Variants in KCNN2 observed in about 807,000 individuals in gnomAD.
KCNN2 encodes the protein small conductance calcium-activated potassium channel protein 2.
A neutral mutation model predicts 55.5 loss-of-function variants in KCNN2; 24 were observed. The observed-to-expected ratio is 0.43, with a 90% CI of 0.31 to 0.61. KCNN2 has a LOEUF of 0.61. Among genes scored for constraint, KCNN2 ranks in the 20% least tolerant of loss-of-function variants. KCNN2 has a pLI of 0.08. For missense variants in KCNN2, 754 were observed against 853.6 expected, an observed-to-expected ratio of 0.88 and a Z score of 1.45; for synonymous variants, 431 against 336.1, an observed-to-expected ratio of 1.28 and a Z score of -3.09.
chr5:114,214,738 T>C (rs186919901), intron 1 of KCNN2, among the ~76,000 whole-genome samples: 1 of 152,260 alleles, frequency 6.6e-6, no homozygotes, highest in Admixed American at 6.5e-5. Flanking sequence ...AATCAATATT[T>C]ATAATTTGGC....
At position 114,168,623 on chromosome 5, in the gene KCNN2, A is replaced by T. The variant is rs572665946; in HGVS notation, c.-270-52857A>T. Among the ~76,000 whole-genome samples the T allele has an allele frequency of 2.6e-5, 4 of 152,148 alleles. No individual in the cohort carries two copies. In the South Asian group the frequency reaches 8.3e-4, roughly 32 times the overall value. On this transcript the variant is annotated intron_variant, in intron 1 of 10. Coordinates refer to the KCNN2 transcript ENST00000512097. ...CTTTCTATTTTATTATATGGTCAGGATATTTTACTGGCTAAGCTCTCCGTT... is the reference window on the plus strand; with the variant it reads ...CTTTCTATTTTATTATATGGTCAGGTTATTTTACTGGCTAAGCTCTCCGTT...
Position 114,446,590 on chromosome 5 carries a change from T to C in KCNN2, c.1638-16459T>C, listed in dbSNP as rs545904023. ...CTCCTGCCTCAGCCTCCCAAGCAGCTGGAATTACAGGCATGCACCTCTGTG... is the reference window on the plus strand; with the variant it reads ...CTCCTGCCTCAGCCTCCCAAGCAGCCGGAATTACAGGCATGCACCTCTGTG... On this transcript the variant is annotated intron_variant, in intron 3 of 7. Transcript: ENST00000673685. 4.0e-5 allele frequency among the ~76,000 whole-genome samples: 6 copies of C among 151,166 alleles called. No homozygotes were observed. The East Asian group carries it at 8.1e-4, about 20-fold the overall frequency.
intron 5 of KCNN2, among the ~76,000 whole-genome samples, chr5:114,478,432 C>T (rs1438072705): frequency 6.6e-6 from 1 of 151,424 alleles, no homozygotes; most frequent in Admixed American, 6.6e-5. Flanking sequence ...ATTGGGGTAC[C>T]TGAAAGAGAT....
intron 2 of KCNN2, among the ~76,000 whole-genome samples, chr5:114,309,265 C>T (rs543653512): frequency 6.6e-6 from 1 of 152,184 alleles, no homozygotes; most frequent in East Asian, 1.9e-4. Flanking sequence ...AGGTAAATAG[C>T]GATTCAAAAT....
In KCNN2 at chr5:114,394,334, T is replaced by G. The variant is rs573334628; in HGVS notation, c.1219-10104T>G. ...TCCTGCATTCATTTTTCTACTGTGC[T>G]GCTTGTCTCTTTCTTAATGTTTAAG... On this transcript the variant is annotated intron_variant, in intron 2 of 7. Transcript: ENST00000673685. 3.3e-5 allele frequency among the ~76,000 whole-genome samples: 5 copies of G among 152,344 alleles called. No individual in the cohort carries two copies. The South Asian group carries it at 1.0e-3, about 32-fold the overall frequency.
At chr5:114,294,157 T>C (rs1755957380) in intron 2 of KCNN2, among the ~76,000 whole-genome samples, 1 of 152,154 alleles carries the variant, frequency 6.6e-6, no homozygotes, top group African/African-American at 2.4e-5. Flanking sequence ...CTGGATGCAT[T>C]AATTTTTTGA....
intron 2 of KCNN2, among the ~76,000 whole-genome samples, chr5:114,311,236 A>G (rs1756386109): frequency 6.6e-6 from 1 of 152,168 alleles, no homozygotes; most frequent in African/African-American, 2.4e-5. Context: ...GTCCAGACAT[A>G]TTTCTCATAT....
At chr5:114,423,469 A>G (rs1295805797) in intron 3 of KCNN2, among the ~76,000 whole-genome samples, 1 of 152,208 alleles carries the variant, frequency 6.6e-6, no homozygotes, top group Non-Finnish European at 1.5e-5. Context: ...TCAGTAAGTT[A>G]GATTTGCCCT....
At chr5:114,104,727 C>T (rs1751444782) in intron 1 of KCNN2, among the ~76,000 whole-genome samples, 1 of 151,878 alleles carries the variant, frequency 6.6e-6, no homozygotes, top group African/African-American at 2.4e-5. Context: ...GAGAGGGCCG[C>T]CTACCTCAGA....
chr5:114,315,795 C>T (rs1477957013), intron 2 of KCNN2, among the ~76,000 whole-genome samples: 3 of 151,986 alleles, frequency 2.0e-5, no homozygotes, highest in African/African-American at 7.3e-5. Flanking sequence ...GTAATAGAAA[C>T]AGATAAAAAG....
At chr5:114,257,988 T>A (rs1755016520) in intron 2 of KCNN2, among the ~76,000 whole-genome samples, 1 of 152,178 alleles carries the variant, frequency 6.6e-6, no homozygotes, top group Non-Finnish European at 1.5e-5. Flanking sequence ...TTGCATATAT[T>A]GTTTTTATTA....
Position 114,362,547 on chromosome 5 carries a change from C to A in KCNN2, c.408C>A (p.Ala136=). 1 of 588,484 alleles carries A rather than the reference C, an allele frequency of 1.7e-6. No homozygotes were observed. Among genetic ancestry groups the A allele is most frequent in the Non-Finnish European group, 2.8e-6 (1 of 351,934 alleles). The allele number at this position is 588,484 out of a possible 1,614,324, so 36.5% of individuals were successfully genotyped here. ...NVSELTPSSH[A]SALRQQYAQQ... is the part of the protein sequence containing the mutation. ...GCGAGCTGACGCCGTCCAGCCATGC[C>A]AGTGCGCTCCGGCAGCAGTACGCGC... Residue 136 remains alanine (A), a synonymous_variant, in exon 1 of 8, where the codon GCC becomes GCA. Transcript: ENST00000673685.
chr5:114,471,220 A>G (rs1452581093), intron 4 of KCNN2, among the ~76,000 whole-genome samples: 3 of 152,192 alleles, frequency 2.0e-5, no homozygotes, highest in Non-Finnish European at 4.4e-5. Context: ...ACTTCCTGCC[A>G]TGAATACCAA....
At position 114,087,585 on chromosome 5, in the gene KCNN2, G is replaced by A. The variant is rs956674733; in HGVS notation, c.-271+31085G>A. ...CACCTTTGTCAAAGATCAGATGGCT[G>A]TAGGTGTCATAGTTCATTCTTATTT... On this transcript the variant is annotated intron_variant, in intron 1 of 10. Transcript: ENST00000512097. Among the ~76,000 whole-genome samples, 25 of 152,128 alleles carry A rather than the reference G, an allele frequency of 1.6e-4. 1 individual carries two copies. The highest frequency in any genetic ancestry group is 6.0e-4 in the African/African-American group (25 of 41,438).
At chr5:114,425,530 A>G (rs1249197404) in intron 3 of KCNN2, among the ~76,000 whole-genome samples, 1 of 152,172 alleles carries the variant, frequency 6.6e-6, no homozygotes, top group Non-Finnish European at 1.5e-5. Flanking sequence ...CTCTCCCTTC[A>G]TCATACCTAC....
chr5:114,449,498 G>C (rs1031338940), intron 3 of KCNN2, among the ~76,000 whole-genome samples: 1 of 152,150 alleles, frequency 6.6e-6, no homozygotes, highest in African/African-American at 2.4e-5. Context: ...GTAGCGTTTT[G>C]TTATCTCCGT....
intron 3 of KCNN2, among the ~76,000 whole-genome samples, chr5:114,460,186 C>T (rs1394074850): frequency 1.3e-5 from 2 of 152,220 alleles, no homozygotes; most frequent in South Asian, 2.1e-4. Context: ...TACTTCTCTT[C>T]GTAGTTACCT....
intron 1 of KCNN2, among the ~76,000 whole-genome samples, chr5:114,199,458 TATTG>T (rs1444774545): frequency 2.6e-5 from 4 of 152,140 alleles, no homozygotes; most frequent in African/African-American, 9.6e-5. Flanking sequence ...CCTGTCATAT[TATTG>T]ATTGTTTTCA....
intron 1 of KCNN2, among the ~76,000 whole-genome samples, chr5:114,170,365 G>C (rs535911551): frequency 1.3e-5 from 2 of 152,138 alleles, no homozygotes; most frequent in East Asian, 3.9e-4. Flanking sequence ...GTTTTATTGA[G>C]ATTTTATTAA....
Sources: allele counts gnomAD v4.1 joint callset (sites outside exome capture counted in the v4.1 genomes callset), GRCh38; gene constraint gnomAD v4.1.1; transcripts MANE v1.5; gene names NCBI Gene and HGNC (gene_info 2026-07-23, HGNC 2026-07-21).